TENM1: variants seen among roughly 807,000 people sequenced by gnomAD.
TENM1 encodes the protein teneurin-1.
TENM1 carries 35 observed loss-of-function variants against 174.8 expected under a neutral mutation model. The ratio of observed to expected loss-of-function variants is 0.20; its 90% CI spans 0.15 to 0.27. The LOEUF (loss-of-function observed/expected upper bound fraction) is 0.27. Among genes scored for constraint, TENM1 ranks in the 10% least tolerant of loss-of-function variants. The probability of loss-of-function intolerance (pLI) is 1.00; values close to 1 mark genes in which losing one functional copy is unlikely to be tolerated. For synonymous variants in TENM1, 781 were observed against 798.7 expected (o/e 0.98, Z 0.37); for missense variants, 1,633 against 2,130.1 (o/e 0.77, Z 4.59).
chrX:124,476,819 C>A (rs1273309575), intron 22 of TENM1, among the ~76,000 whole-genome samples: 1 of 112,398 alleles, frequency 8.9e-6, no homozygotes, highest in East Asian at 2.8e-4. Context: ...ATAAATGGAA[C>A]CTAAGTTTCA....
At chrX:124,620,430 A>C (rs2050492098) in intron 11 of TENM1, among the ~76,000 whole-genome samples, 1 of 112,161 alleles carries the variant, frequency 8.9e-6, no homozygotes, top group African/African-American at 3.2e-5. Flanking sequence ...TCTTTCCGTT[A>C]ATTCTGTACA....
intron 11 of TENM1, among the ~76,000 whole-genome samples, chrX:124,585,011 T>G (rs2049455711): frequency 9.1e-6 from 1 of 109,834 alleles, no homozygotes; most frequent in Non-Finnish European, 1.9e-5. Flanking sequence ...ATGCACCCAA[T>G]ACAGGAGCAC....
intron 20 of TENM1, among the ~76,000 whole-genome samples, chrX:124,495,748 T>C (rs932073361): frequency 2.0e-5 from 2 of 102,373 alleles, no homozygotes; most frequent in Non-Finnish European, 3.9e-5. Context: ...GAACATTCCA[T>C]GCTCATGGGT....
chrX:124,633,904 A>T (rs1283123519), intron 11 of TENM1, among the ~76,000 whole-genome samples: 2 of 111,899 alleles, frequency 1.8e-5, no homozygotes, highest in Non-Finnish European at 3.8e-5. Context: ...AGTGCCACCA[A>T]TGAATTTCAT....
the TENM1 span, among the ~76,000 whole-genome samples, chrX:125,138,582 T>C: frequency 9.0e-6 from 1 of 111,558 alleles, no homozygotes; most frequent in African/African-American, 3.3e-5. Flanking sequence ...GAATAGAAAC[T>C]GTATACTTCC....
exon 20 of TENM1, chrX:124,497,084 A>G (rs1175008468): frequency 1.5e-5 from 18 of 1,209,982 alleles, no homozygotes; most frequent in Non-Finnish European, 1.8e-5. Context: ...AGTCGCCAAC[A>G]TACACACTGC....
intron 3 of TENM1, among the ~76,000 whole-genome samples, chrX:124,742,687 A>G (rs989716354): frequency 9.0e-6 from 1 of 110,879 alleles, no homozygotes; most frequent in Non-Finnish European, 1.9e-5. Context: ...GAAAAATTCT[A>G]AATTCTGAAA....
At chrX:125,127,943 A>G in the TENM1 span, among the ~76,000 whole-genome samples, 2 of 111,438 alleles carry the variant, frequency 1.8e-5, no homozygotes, top group Non-Finnish European at 3.8e-5. Context: ...CTTTGATGTC[A>G]CAGCCAAACA....
intron 19 of TENM1, among the ~76,000 whole-genome samples, 186 bp downstream of exon 22, chrX:124,503,374 G>A (rs2047374839): frequency 9.0e-6 from 1 of 111,468 alleles, no homozygotes; most frequent in Non-Finnish European, 1.9e-5. Flanking sequence ...AGATTAAGAT[G>A]AGAGTGTTCC....
the TENM1 span, among the ~76,000 whole-genome samples, chrX:125,056,934 C>T: frequency 1.8e-5 from 2 of 111,323 alleles, no homozygotes; most frequent in Non-Finnish European, 3.8e-5. Flanking sequence ...AGACTTGACT[C>T]CAAATAGTCT....
the TENM1 span, among the ~76,000 whole-genome samples, chrX:125,140,794 T>C: frequency 8.9e-6 from 1 of 112,092 alleles, no homozygotes; most frequent in Non-Finnish European, 1.9e-5. Context: ...TTTTTTCTAC[T>C]TCATTTCCTA....
At chrX:124,440,417 A>G (rs1407592425) in intron 23 of TENM1, among the ~76,000 whole-genome samples, 1 of 111,858 alleles carries the variant, frequency 8.9e-6, no homozygotes, top group Non-Finnish European at 1.9e-5. Flanking sequence ...TTTCACATTA[A>G]AAAAGAGAGG....
At chrX:124,576,776 A>T (rs112303435) in intron 11 of TENM1, among the ~76,000 whole-genome samples, 1,794 of 111,635 alleles carry the variant, frequency 0.016, 16 homozygotes, top group Non-Finnish European at 0.025. Flanking sequence ...ACCAGGCAGA[A>T]TTTTTTCTCC....
chrX:125,016,004 G>C, the TENM1 span, among the ~76,000 whole-genome samples: 2 of 111,520 alleles, frequency 1.8e-5, no homozygotes, highest in Non-Finnish European at 3.8e-5. Flanking sequence ...TAGTTTGAAT[G>C]TTCTAAAATT....
chrX:124,887,063 G>T (rs1228173282), intron 3 of TENM1, among the ~76,000 whole-genome samples: 2 of 110,186 alleles, frequency 1.8e-5, no homozygotes, highest in African/African-American at 6.6e-5. Context: ...GGGGAAATTT[G>T]GTAATATCTA....
At chrX:124,644,210 C>CATATATATATATATATATATATAT (rs202056765) in intron 10 of TENM1, among the ~76,000 whole-genome samples, 21 of 95,662 alleles carry the variant, frequency 2.2e-4, no homozygotes, top group African/African-American at 8.1e-4. Flanking sequence ...TTTACATATA[C>CATATATATATATATATATATATAT]ATATATATAT....
chrX:124,705,337 T>C, intron 4 of TENM1, 86 bp from the exon 8 acceptor site: 1 of 702,997 alleles, frequency 1.4e-6, no homozygotes, highest in Non-Finnish European at 2.1e-6. Flanking sequence ...CAAACAATCA[T>C]GCTATAGCCA....
the TENM1 span, among the ~76,000 whole-genome samples, chrX:125,059,190 C>A: frequency 3.6e-5 from 4 of 110,777 alleles, no homozygotes; most frequent in Non-Finnish European, 7.6e-5. Context: ...AGAAGTAGGA[C>A]CTGAATAACA....
chrX:124,702,356 G>T (rs1187489447), intron 5 of TENM1, among the ~76,000 whole-genome samples: 2 of 111,329 alleles, frequency 1.8e-5, no homozygotes, highest in African/African-American at 6.5e-5. Flanking sequence ...ATAATGTCCA[G>T]TTCATGACAG....
Sources: allele counts gnomAD v4.1 joint callset (sites outside exome capture counted in the v4.1 genomes callset), GRCh38; gene constraint gnomAD v4.1.1; transcripts MANE v1.5; gene names NCBI Gene and HGNC (gene_info 2026-07-23, HGNC 2026-07-21).